The following PDE4D variants were observed in gnomAD, a reference collection of about 807,000 sequenced individuals.
PDE4D encodes phosphodiesterase 4D.
In PDE4D, 24 loss-of-function variants were observed where a neutral mutation model predicts 87.4. The ratio of observed to expected loss-of-function variants is 0.27; its 90% CI spans 0.20 to 0.39. The LOEUF (loss-of-function observed/expected upper bound fraction) is 0.39, where lower values mean the gene tolerates loss of function less well. Among genes scored for constraint, PDE4D ranks in the 10% least tolerant of loss-of-function variants. The pLI is 1.00. For missense variants in PDE4D, 714 were observed against 1,041.0 expected, an observed-to-expected ratio of 0.69 and a Z score of 4.32; for synonymous variants, 384 against 383.2, an observed-to-expected ratio of 1.00 and a Z score of -0.02.
chr5:59,376,782 C>A (rs891575297), intron 1 of PDE4D, among the ~76,000 whole-genome samples: 3 of 152,140 alleles, frequency 2.0e-5, no homozygotes, highest in Admixed American at 6.5e-5. Context: ...CAACTTCAAA[C>A]TATACTACAG....
At chr5:60,164,103 CTT>C (rs1287836934) in intron 2 of PDE4D, among the ~76,000 whole-genome samples, 2 of 152,152 alleles carry the variant, frequency 1.3e-5, no homozygotes, top group Non-Finnish European at 2.9e-5. Context: ...TTAACCCTCT[CTT>C]TTATAACACT....
chr5:59,259,296 C>T (rs1281527806), intron 1 of PDE4D, among the ~76,000 whole-genome samples: 1 of 151,788 alleles, frequency 6.6e-6, no homozygotes, highest in Non-Finnish European at 1.5e-5. Flanking sequence ...CAAAATCACC[C>T]AGCATGTAAA....
chr5:59,511,657 AAGTAG>A (rs1271177971), intron 1 of PDE4D, among the ~76,000 whole-genome samples: 10 of 152,048 alleles, frequency 6.6e-5, no homozygotes, highest in Admixed American at 5.9e-4. Context: ...TGAGCTATAT[AAGTAG>A]AGTAGCTATG....
In PDE4D at chr5:60,370,161, C is replaced by A. The variant is rs148112792; in HGVS notation, c.-90+117781G>T. Among the ~76,000 whole-genome samples the A allele has an allele frequency of 4.6e-3, 695 of 152,230 alleles. 5 individuals carry two copies. Among genetic ancestry groups the A allele is most frequent in the South Asian group, 0.022 (106 of 4,826 alleles). ...AAGCAGCTCCCCTAACAGGACAGAG[C>A]CTTCACAAGGCCAGCTCCTGCCCCA... On this transcript the variant is annotated intron_variant, in intron 1 of 16. Coordinates refer to the PDE4D transcript ENST00000502484.
At chr5:60,124,907 C>T (rs970682230) in intron 2 of PDE4D, among the ~76,000 whole-genome samples, 17 of 152,148 alleles carry the variant, frequency 1.1e-4, no homozygotes, top group Admixed American at 9.2e-4. Context: ...TAATCAGCAG[C>T]ATTCACAATT....
At chr5:59,030,972 G>A (rs149403461) in intron 6 of PDE4D, among the ~76,000 whole-genome samples, 6 of 152,124 alleles carry the variant, frequency 3.9e-5, no homozygotes, top group African/African-American at 1.4e-4. Context: ...GCATCCACTA[G>A]CCATTCTTCC....
Position 60,436,722 on chromosome 5 carries a change from C to G in PDE4D, c.-90+51220G>C, listed in dbSNP as rs868342594. Among the ~76,000 whole-genome samples, 27 of 152,154 alleles carry G rather than the reference C, an allele frequency of 1.8e-4. No homozygotes were observed. The South Asian group carries it at 1.9e-3, about 11-fold the overall frequency. ...GGAGTCTTCTCAGGCCACTAGGATG[C>G]ATTCGGTTCACTGAAGCATACTGAA... On this transcript the variant is annotated intron_variant, in intron 1 of 16. Transcript: ENST00000502484.
chr5:60,171,004 T>C lies in PDE4D; in HGVS notation c.42+14553A>G, dbSNP rs141479837. 4.1e-3 allele frequency among the ~76,000 whole-genome samples: 628 copies of C among 152,152 alleles called. 3 individuals are homozygous for C. The highest frequency in any genetic ancestry group is 0.014 in the African/African-American group (601 of 41,572). On this transcript the variant is annotated intron_variant, in intron 2 of 16. Transcript: ENST00000502484. ...TGTATCTGGCAGCACAGGGTTATGA[T>C]TGTTGAAATAAAGAAACTATCTTCT...
At chr5:59,831,646 A>G (rs1340921789) in intron 1 of PDE4D, among the ~76,000 whole-genome samples, 1 of 152,102 alleles carries the variant, frequency 6.6e-6, no homozygotes, top group Non-Finnish European at 1.5e-5. Context: ...CAGAGACAGT[A>G]GTTAACTCTT....
intron 3 of PDE4D, among the ~76,000 whole-genome samples, chr5:59,979,970 C>A (rs1761747746): frequency 6.6e-6 from 1 of 152,096 alleles, no homozygotes. Flanking sequence ...TTGATTACTT[C>A]ATCCTTTAAT....
chr5:59,986,948 G>C (rs1172607396), intron 3 of PDE4D: 1 of 152,204 alleles, frequency 6.6e-6, no homozygotes, highest in African/African-American at 2.4e-5. Flanking sequence ...GAGGAATTAA[G>C]TGTATCTTGT....
chr5:59,334,217 GA>G (rs1259654246), intron 1 of PDE4D, among the ~76,000 whole-genome samples: 5 of 147,176 alleles, frequency 3.4e-5, no homozygotes, highest in Non-Finnish European at 6.0e-5. Flanking sequence ...GAAATTAGGG[GA>G]AAAAAGTTGG....
At chr5:60,108,762 C>A (rs192822246) in intron 2 of PDE4D, among the ~76,000 whole-genome samples, 2 of 152,000 alleles carry the variant, frequency 1.3e-5, no homozygotes, top group African/African-American at 4.8e-5. Context: ...AATGGGGAAA[C>A]GATTCCCTAT....
At chr5:59,312,403 C>A (rs1410796541) in intron 1 of PDE4D, among the ~76,000 whole-genome samples, 4 of 152,152 alleles carry the variant, frequency 2.6e-5, no homozygotes. Context: ...ACAGCTGTTC[C>A]CCAGCTGGAC....
intron 1 of PDE4D, among the ~76,000 whole-genome samples, chr5:59,376,417 A>G (rs1449654328): frequency 6.6e-6 from 1 of 152,180 alleles, no homozygotes; most frequent in Non-Finnish European, 1.5e-5. Flanking sequence ...CAAATCAGGA[A>G]TGCAATCCCA....
chr5:59,102,313 C>T (rs1264594935), intron 5 of PDE4D, among the ~76,000 whole-genome samples: 1 of 151,660 alleles, frequency 6.6e-6, no homozygotes, highest in Non-Finnish European at 1.5e-5. Context: ...CTCAAACTCC[C>T]GACCTCAGGT....
chr5:60,066,115 A>G (rs970322891), intron 2 of PDE4D, among the ~76,000 whole-genome samples: 3 of 151,908 alleles, frequency 2.0e-5, no homozygotes, highest in Non-Finnish European at 1.5e-5. Flanking sequence ...TGACTTTTTA[A>G]TGATCGCCAT....
intron 5 of PDE4D, among the ~76,000 whole-genome samples, chr5:59,112,216 G>A (rs1772784593): frequency 1.3e-5 from 2 of 152,168 alleles, no homozygotes; most frequent in African/African-American, 4.8e-5. Context: ...AAGTGTGACT[G>A]ATGTGCTTGA....
At chr5:59,650,058 G>A (rs1743200842) in intron 1 of PDE4D, among the ~76,000 whole-genome samples, 1 of 151,114 alleles carries the variant, frequency 6.6e-6, no homozygotes, top group African/African-American at 2.4e-5. Context: ...TTTTGAATTT[G>A]TTTTCAATGT....
Sources: allele counts gnomAD v4.1 joint callset (sites outside exome capture counted in the v4.1 genomes callset), GRCh38; gene constraint gnomAD v4.1.1; transcripts MANE v1.5; gene names NCBI Gene and HGNC (gene_info 2026-07-23, HGNC 2026-07-21).